The following FOXP1 variants were observed in gnomAD, a reference collection of about 807,000 sequenced individuals.
FOXP1 encodes forkhead box P1.
A neutral mutation model predicts 98.2 loss-of-function variants in FOXP1; 15 were observed. The ratio of observed to expected loss-of-function variants is 0.15; its 90% CI spans 0.10 to 0.24. The LOEUF (loss-of-function observed/expected upper bound fraction) is 0.24. Among genes scored for constraint, FOXP1 ranks in the 10% least tolerant of loss-of-function variants. The pLI, the probability that FOXP1 is intolerant of heterozygous loss-of-function variation, is 1.00. For synonymous variants in FOXP1, 371 were observed against 314.5 expected, an observed-to-expected ratio of 1.18 and a Z score of -1.90; for missense variants, 633 against 848.5, an observed-to-expected ratio of 0.75 and a Z score of 3.15.
Position 71,260,149 on chromosome 3 carries a change from A to AT in FOXP1, c.-12+39670dup, listed in dbSNP as rs1342689495. Reference sequence around the variant, plus strand: ...CAGGCACCTGCCACCACGCCCACTAATTTTTTTGTATTTTTAGTACAGGCG... The same window carrying AT: ...CAGGCACCTGCCACCACGCCCACTAATTTTTTTTGTATTTTTAGTACAGGCG... On this transcript the variant is annotated intron_variant, in intron 5 of 20. Transcript: ENST00000649528. Among the ~76,000 whole-genome samples the AT allele has an allele frequency of 1.4e-4, 21 of 152,036 alleles. 1 individual carries two copies. The highest frequency in any genetic ancestry group is 1.2e-3 in the South Asian group (6 of 4,812).
At chr3:71,202,508 C>T (rs2063739526) in intron 5 of FOXP1, among the ~76,000 whole-genome samples, 2 of 152,246 alleles carry the variant, frequency 1.3e-5, no homozygotes, top group Admixed American at 6.5e-5. Context: ...ATTGCAAAAG[C>T]CCTCTGATGT....
intron 11 of FOXP1, 55 bp downstream of exon 11, chr3:71,041,273 C>T: frequency 6.9e-7 from 1 of 1,456,666 alleles, no homozygotes; most frequent in East Asian, 2.3e-5. Context: ...GCAGGGCCAC[C>T]CACCCCTCTC....
chr3:71,292,206 T>TCC (rs2072825325), intron 5 of FOXP1, among the ~76,000 whole-genome samples: 1 of 151,694 alleles, frequency 6.6e-6, no homozygotes, highest in Non-Finnish European at 1.5e-5. Context: ...CAGACCAACC[T>TCC]CCAGAAAAAA....
intron 12 of FOXP1, among the ~76,000 whole-genome samples, chr3:71,009,155 C>CGGGGG (rs10546380): frequency 1.4e-4 from 3 of 20,802 alleles, no homozygotes; most frequent in Non-Finnish European, 2.7e-4. Context: ...ATCATGGGGG[C>CGGGGG]GGGGGGGGGG....
intron 6 of FOXP1, among the ~76,000 whole-genome samples, chr3:71,160,223 T>C (rs1247126171): frequency 1.3e-5 from 2 of 152,158 alleles, no homozygotes; most frequent in Non-Finnish European, 2.9e-5. Context: ...ATTGGGGTTT[T>C]GTAAAACACT....
chr3:71,271,086 CG>C (rs1560217428), intron 5 of FOXP1, among the ~76,000 whole-genome samples: 1 of 152,142 alleles, frequency 6.6e-6, no homozygotes, highest in African/African-American at 2.4e-5. Context: ...CAAAATTAGC[CG>C]GGTGTACTGG....
Position 71,210,169 on chromosome 3 carries a change from C to T in FOXP1, c.-11-11777G>A, listed in dbSNP as rs568110444. The stretch of plus-strand genomic sequence containing the variant: ...CAAAAATTGTGTTGGTCTGCCCCAA[C>T]CCCCACAACAGATATCCCCCTCCGG... On this transcript the variant is annotated intron_variant, in intron 5 of 20. Coordinates refer to ENST00000649528, the MANE Select transcript of FOXP1 (RefSeq NM_001349338.3). Among the ~76,000 whole-genome samples, 20 of 152,266 alleles carry T rather than the reference C, an allele frequency of 1.3e-4. No homozygotes were observed. The South Asian group carries it at 4.2e-3, about 32-fold the overall frequency.
intron 11 of FOXP1, among the ~76,000 whole-genome samples, chr3:71,030,739 T>A (rs1177881515): frequency 6.6e-6 from 1 of 152,222 alleles, no homozygotes; most frequent in Non-Finnish European, 1.5e-5. Flanking sequence ...TTCTTTTTAT[T>A]TCTGTCTGTA....
chr3:71,263,743 C>CT (rs36126610), intron 5 of FOXP1, among the ~76,000 whole-genome samples: 57 of 148,124 alleles, frequency 3.8e-4, no homozygotes, highest in African/African-American at 7.7e-4. Flanking sequence ...ATCCATATTC[C>CT]TTTTTTTTTT....
intron 3 of FOXP1, among the ~76,000 whole-genome samples, chr3:71,439,902 C>T (rs1364795498): frequency 6.8e-6 from 1 of 147,448 alleles, no homozygotes; most frequent in Non-Finnish European, 1.5e-5. Context: ...TCGGAGATTG[C>T]ACCATTGCAC....
At chr3:71,139,949 T>TA (rs770928972) in intron 6 of FOXP1, among the ~76,000 whole-genome samples, 11 of 152,056 alleles carry the variant, frequency 7.2e-5, no homozygotes, top group Admixed American at 1.3e-4. Flanking sequence ...CCTCTGAATT[T>TA]AAAAAAAGAC....
At chr3:71,287,761 C>G (rs2072309768) in intron 5 of FOXP1, among the ~76,000 whole-genome samples, 3 of 151,914 alleles carry the variant, frequency 2.0e-5, no homozygotes, top group Non-Finnish European at 2.9e-5. Flanking sequence ...GCCTGGGTGA[C>G]AGAACGAGAC....
At chr3:70,977,526 T>C (rs989416634) in intron 16 of FOXP1, 117 bp downstream of exon 16, 36 of 829,000 alleles carry the variant, frequency 4.3e-5, no homozygotes, top group African/African-American at 6.8e-5. Flanking sequence ...AAAAACCTTA[T>C]AGAAAAGGTT....
At chr3:71,343,761 T>C (rs1015500526) in intron 4 of FOXP1, among the ~76,000 whole-genome samples, 3 of 152,068 alleles carry the variant, frequency 2.0e-5, no homozygotes, top group Admixed American at 1.3e-4. Context: ...ACTCCTGACC[T>C]TAAGTGATCT....
intron 3 of FOXP1, among the ~76,000 whole-genome samples, chr3:71,460,601 T>C (rs1560517126): frequency 6.6e-6 from 1 of 152,202 alleles, no homozygotes; most frequent in East Asian, 1.9e-4. Flanking sequence ...CAGGCTTGGC[T>C]AACTTTTTTT....
At chr3:71,449,452 T>C (rs1473923233) in intron 3 of FOXP1, among the ~76,000 whole-genome samples, 1 of 152,222 alleles carries the variant, frequency 6.6e-6, no homozygotes, top group Non-Finnish European at 1.5e-5. Flanking sequence ...AGATGTACAC[T>C]GATGGGCAAC....
At chr3:71,326,652 C>T (rs1409459217) in intron 4 of FOXP1, among the ~76,000 whole-genome samples, 1 of 152,136 alleles carries the variant, frequency 6.6e-6, no homozygotes, top group South Asian at 2.1e-4. Context: ...AAATCTTCCT[C>T]GTCTAAATGA....
At chr3:71,440,635 G>T (rs551104592) in intron 3 of FOXP1, among the ~76,000 whole-genome samples, 7 of 151,730 alleles carry the variant, frequency 4.6e-5, no homozygotes, top group Non-Finnish European at 8.8e-5. Flanking sequence ...GGCAGAGGTT[G>T]CAGTGAGCCA....
intron 6 of FOXP1, among the ~76,000 whole-genome samples, chr3:71,139,205 T>C (rs778661929): frequency 2.0e-5 from 3 of 152,110 alleles, no homozygotes; most frequent in Non-Finnish European, 4.4e-5. Context: ...CCCGGGCTAA[T>C]TGGGGTAACG....
Sources: gnomAD v4.1 joint callset for allele counts (sites outside exome capture counted in the v4.1 genomes callset) on GRCh38, gnomAD v4.1.1 for gene constraint, MANE v1.5 for transcripts, NCBI Gene and HGNC (gene_info 2026-07-23, HGNC 2026-07-21) for gene names.